TRAPPC9: variants seen among roughly 807,000 people sequenced by gnomAD.
TRAPPC9 encodes IKK2 binding protein.
TRAPPC9 carries 83 observed loss-of-function variants against 124.0 expected under a neutral mutation model. The ratio of observed to expected loss-of-function variants is 0.67; its 90% CI spans 0.56 to 0.80. The LOEUF is 0.80. Among genes scored for constraint, TRAPPC9 ranks in the 30% least tolerant of loss-of-function variants. The pLI, the probability that TRAPPC9 is intolerant of heterozygous loss-of-function variation, is 0.00. For missense variants in TRAPPC9, 1,302 were observed against 1,508.3 expected, an observed-to-expected ratio of 0.86 and a Z score of 2.27; for synonymous variants, 638 against 617.5, an observed-to-expected ratio of 1.03 and a Z score of -0.49.
chr8:139,842,909 C>T (rs1160077869), intron 21 of TRAPPC9, among the ~76,000 whole-genome samples: 1 of 152,222 alleles, frequency 6.6e-6, no homozygotes, highest in African/African-American at 2.4e-5. Context: ...AGATTTTCAT[C>T]GCACAGATGA....
intron 17 of TRAPPC9, among the ~76,000 whole-genome samples, chr8:140,204,273 C>A (rs1028404207): frequency 5.3e-5 from 8 of 152,024 alleles, no homozygotes; most frequent in African/African-American, 1.9e-4. Flanking sequence ...CACATATACA[C>A]CATGGAATAC....
intron 19 of TRAPPC9, among the ~76,000 whole-genome samples, chr8:139,955,987 G>A (rs889517850): frequency 1.3e-5 from 2 of 152,058 alleles, no homozygotes; most frequent in Non-Finnish European, 2.9e-5. Context: ...CTGGGTCCTC[G>A]TTTCTCCCGC....
intron 19 of TRAPPC9, among the ~76,000 whole-genome samples, chr8:139,911,993 C>T (rs1312748023): frequency 6.6e-6 from 1 of 152,054 alleles, no homozygotes; most frequent in Non-Finnish European, 1.5e-5. Flanking sequence ...GAGACGCTCC[C>T]CGCAAGCAGA....
At chr8:139,990,675 C>G (rs1226598639) in intron 18 of TRAPPC9, among the ~76,000 whole-genome samples, 1 of 152,122 alleles carries the variant, frequency 6.6e-6, no homozygotes, top group East Asian at 1.9e-4. Context: ...CAACCTCCAC[C>G]TCCTGGGTTC....
At chr8:139,866,492 T>A (rs1377862134) in intron 21 of TRAPPC9, among the ~76,000 whole-genome samples, 2 of 152,132 alleles carry the variant, frequency 1.3e-5, no homozygotes, top group Non-Finnish European at 2.9e-5. Flanking sequence ...ACCTGTGGGA[T>A]CTCTGGGCTG....
At chr8:140,117,271 A>T in intron 17 of TRAPPC9, among the ~76,000 whole-genome samples, 1 of 152,230 alleles carries the variant, frequency 6.6e-6, no homozygotes, top group East Asian at 1.9e-4. Flanking sequence ...ACCACACAGT[A>T]GTCATGTCTT....
chr8:139,797,775 G>A (rs1563821351), intron 21 of TRAPPC9, among the ~76,000 whole-genome samples: 3 of 152,198 alleles, frequency 2.0e-5, no homozygotes, highest in Non-Finnish European at 2.9e-5. Flanking sequence ...CTATTGAACT[G>A]TTTGGCAGCC....
intron 17 of TRAPPC9, among the ~76,000 whole-genome samples, chr8:140,075,579 GT>G (rs1479700388): frequency 2.6e-5 from 4 of 152,236 alleles, no homozygotes; most frequent in African/African-American, 9.6e-5. Flanking sequence ...TAGCTAGCCA[GT>G]GTCATCACTG....
intron 5 of TRAPPC9, among the ~76,000 whole-genome samples, chr8:140,406,018 T>G (rs759871340): frequency 2.6e-5 from 4 of 152,206 alleles, no homozygotes; most frequent in Non-Finnish European, 5.9e-5. Flanking sequence ...TCAGCACACA[T>G]TCTCTCATAG....
chr8:140,407,068 C>T (rs1198989401), intron 5 of TRAPPC9, among the ~76,000 whole-genome samples: 2 of 152,184 alleles, frequency 1.3e-5, no homozygotes, highest in African/African-American at 4.8e-5. Context: ...TCAGCGGAAG[C>T]AGGACCTACG....
intron 17 of TRAPPC9, among the ~76,000 whole-genome samples, chr8:140,082,858 T>A (rs953533817): frequency 1.3e-5 from 2 of 152,172 alleles, no homozygotes; most frequent in Admixed American, 6.5e-5. Context: ...TTGGGACTGC[T>A]TTTCTGGGAA....
intron 17 of TRAPPC9, among the ~76,000 whole-genome samples, chr8:140,188,504 G>C (rs2062400968): frequency 6.6e-6 from 1 of 152,148 alleles, no homozygotes; most frequent in Non-Finnish European, 1.5e-5. Context: ...TCTATGCACA[G>C]CTTATATCTT....
chr8:140,097,523 T>C lies in TRAPPC9; in HGVS notation c.2557-73444A>G, dbSNP rs1353913837. The C allele has an allele frequency of 2.0e-5, 3 of 152,356 alleles. No homozygotes were observed. Among genetic ancestry groups the C allele is most frequent in the African/African-American group, 7.2e-5 (3 of 41,472 alleles). The allele number at this position is 152,356 out of a possible 1,614,324, so 9.4% of individuals were successfully genotyped here. A position where few individuals can be genotyped will look rare whatever the true frequency, so the allele number is the denominator to read the frequency against. ...CATCGTGGGTGCCCCGCCACCGCCC[T>C]GCCACAGTCTACAAGGCAAGAACGC... On this transcript the variant is annotated intron_variant, in intron 17 of 22. Transcript: ENST00000438773. The surrounding 1 kb of genome is among the most constrained non-coding windows in gnomAD (Gnocchi z 4.2).
intron 3 of TRAPPC9, among the ~76,000 whole-genome samples, chr8:140,437,092 T>G (rs1037583927): frequency 2.6e-5 from 4 of 152,140 alleles, no homozygotes; most frequent in African/African-American, 9.7e-5. Flanking sequence ...CCCTCACAAG[T>G]AGCTGGGACT....
intron 17 of TRAPPC9, among the ~76,000 whole-genome samples, chr8:140,159,039 T>C (rs2061701421): frequency 6.6e-6 from 1 of 152,218 alleles, no homozygotes; most frequent in African/African-American, 2.4e-5. Flanking sequence ...ACAGAGTCTC[T>C]GCCCTTGGCG....
chr8:139,840,459 C>T (rs1270958733), intron 21 of TRAPPC9, among the ~76,000 whole-genome samples: 1 of 152,202 alleles, frequency 6.6e-6, no homozygotes, highest in Non-Finnish European at 1.5e-5. Flanking sequence ...ACCATGTGAA[C>T]GGGGCCTGGA....
At chr8:140,347,360 C>T (rs1417285083) in intron 9 of TRAPPC9, among the ~76,000 whole-genome samples, 2 of 152,242 alleles carry the variant, frequency 1.3e-5, no homozygotes, top group Admixed American at 1.3e-4. Flanking sequence ...TCCCACAGCA[C>T]GTAGCCCAAT....
intron 9 of TRAPPC9, among the ~76,000 whole-genome samples, chr8:140,347,565 G>A (rs1451909500): frequency 6.6e-6 from 1 of 152,050 alleles, no homozygotes; most frequent in Non-Finnish European, 1.5e-5. Context: ...TCCCTGTTAG[G>A]CAAGTTTAGC....
intron 21 of TRAPPC9, among the ~76,000 whole-genome samples, chr8:139,833,101 G>A (rs1826097029): frequency 6.6e-6 from 1 of 152,180 alleles, no homozygotes; most frequent in African/African-American, 2.4e-5. Flanking sequence ...GACATCAGCA[G>A]GAAGCTGGGG....
Sources: gnomAD v4.1 joint callset for allele counts (sites outside exome capture counted in the v4.1 genomes callset) on GRCh38, gnomAD v4.1.1 for gene constraint, Gnocchi (gnomAD v3.1) non-coding constraint, MANE v1.5 for transcripts, NCBI Gene and HGNC (gene_info 2026-07-23, HGNC 2026-07-21) for gene names.